TMEM108: variants seen among roughly 807,000 people sequenced by gnomAD.
TMEM108 encodes cancer/testis antigen 124.
Under a neutral mutation model 35.1 loss-of-function variants are expected in TMEM108, and 12 were observed. That is an observed-to-expected ratio of 0.34 (90% confidence interval 0.22 to 0.55). The LOEUF (loss-of-function observed/expected upper bound fraction) is 0.55. Ranked by LOEUF, TMEM108 falls within the 20% of genes least tolerant of loss-of-function variation. The pLI, the probability that TMEM108 is intolerant of heterozygous loss-of-function variation, is 0.89. For missense variants in TMEM108, 680 were observed against 753.3 expected, an observed-to-expected ratio of 0.90 and a Z score of 1.14; for synonymous variants, 287 against 308.6, an observed-to-expected ratio of 0.93 and a Z score of 0.73.
chr3:133,334,147 G>C (rs974919153), intron 3 of TMEM108, among the ~76,000 whole-genome samples: 9 of 152,144 alleles, frequency 5.9e-5, no homozygotes, highest in Non-Finnish European at 1.2e-4. Context: ...GTGAGTTTCT[G>C]CAAGTTGTTG....
intron 2 of TMEM108, among the ~76,000 whole-genome samples, chr3:133,143,093 A>T (rs911742002): frequency 1.3e-5 from 2 of 152,206 alleles, no homozygotes; most frequent in African/African-American, 4.8e-5. Flanking sequence ...TAGAAAAAAG[A>T]AACAAGTGTA....
At chr3:133,060,876 A>G (rs1943527035) in intron 2 of TMEM108, among the ~76,000 whole-genome samples, 1 of 152,214 alleles carries the variant, frequency 6.6e-6, no homozygotes. Context: ...CTAAATACCT[A>G]TTAGTGGGAG....
At chr3:133,243,914 T>G (rs1946348909) in intron 3 of TMEM108, among the ~76,000 whole-genome samples, 1 of 152,060 alleles carries the variant, frequency 6.6e-6, no homozygotes, top group Non-Finnish European at 1.5e-5. Context: ...AGTGACTTAT[T>G]AGGAAGGTTT....
intron 3 of TMEM108, among the ~76,000 whole-genome samples, chr3:133,316,865 A>G (rs2071205951): frequency 4.6e-5 from 7 of 152,234 alleles, no homozygotes; most frequent in Admixed American, 4.6e-4. Context: ...CAGACCGTCT[A>G]AGTGAGTTGA....
At chr3:133,305,877 C>T (rs1352745852) in intron 3 of TMEM108, among the ~76,000 whole-genome samples, 2 of 152,010 alleles carry the variant, frequency 1.3e-5, no homozygotes, top group Admixed American at 6.6e-5. Context: ...GCCATCCATA[C>T]GTCTTCTTTC....
intron 2 of TMEM108, among the ~76,000 whole-genome samples, chr3:133,140,808 A>G (rs1301744472): frequency 3.9e-5 from 6 of 152,214 alleles, no homozygotes; most frequent in East Asian, 1.9e-4. Flanking sequence ...TAAGAATGGG[A>G]TAGAAACTAG....
chr3:133,102,554 A>G (rs1944101574), intron 2 of TMEM108, among the ~76,000 whole-genome samples: 1 of 152,206 alleles, frequency 6.6e-6, no homozygotes, highest in Non-Finnish European at 1.5e-5. Context: ...TCCCTAGAAT[A>G]GACTGTGAGT....
At chr3:133,260,826 A>C (rs895771499) in intron 3 of TMEM108, among the ~76,000 whole-genome samples, 3 of 152,176 alleles carry the variant, frequency 2.0e-5, no homozygotes, top group Admixed American at 2.0e-4. Flanking sequence ...AATTGGACTA[A>C]GGTGGTAGTC....
intron 2 of TMEM108, among the ~76,000 whole-genome samples, chr3:133,127,989 CTG>C (rs1193276730): frequency 2.6e-5 from 4 of 152,286 alleles, no homozygotes; most frequent in Non-Finnish European, 5.9e-5. Context: ...TATAATCACT[CTG>C]TGGTGAATCA....
chr3:133,352,704 A>G (rs1362210961), intron 3 of TMEM108, among the ~76,000 whole-genome samples: 1 of 152,176 alleles, frequency 6.6e-6, no homozygotes, highest in Non-Finnish European at 1.5e-5. Flanking sequence ...GCCTAGGGCA[A>G]GGTATATGGG....
intron 3 of TMEM108, among the ~76,000 whole-genome samples, chr3:133,271,150 C>T (rs1946765894): frequency 6.6e-6 from 1 of 152,174 alleles, no homozygotes; most frequent in Non-Finnish European, 1.5e-5. Flanking sequence ...GCCCTCCTCA[C>T]CATCCCCAAG....
intron 2 of TMEM108, among the ~76,000 whole-genome samples, chr3:133,154,026 A>G (rs1418091995): frequency 1.3e-5 from 1 of 79,840 alleles, no homozygotes; most frequent in Non-Finnish European, 2.7e-5. Flanking sequence ...AAATTAGTAG[A>G]CTTTTTTTTT....
At chr3:133,248,326 A>G (rs1374428542) in intron 3 of TMEM108, 2 of 152,182 alleles carry the variant, frequency 1.3e-5, no homozygotes, top group Non-Finnish European at 2.9e-5. Context: ...CTAAAAGCCA[A>G]GTGTTATGCC....
intron 3 of TMEM108, among the ~76,000 whole-genome samples, chr3:133,325,925 T>C (rs915343833): frequency 2.6e-5 from 4 of 152,060 alleles, no homozygotes; most frequent in African/African-American, 9.7e-5. Flanking sequence ...AGGTACATGC[T>C]AACATATTTC....
intron 3 of TMEM108, among the ~76,000 whole-genome samples, chr3:133,290,567 G>A (rs151169984): frequency 6.6e-6 from 1 of 152,094 alleles, no homozygotes; most frequent in East Asian, 1.9e-4. Flanking sequence ...GTTGCAGTGA[G>A]CCAAGTTAGT....
At chr3:133,179,833 C>A (rs1288033167) in intron 2 of TMEM108, among the ~76,000 whole-genome samples, 1 of 150,568 alleles carries the variant, frequency 6.6e-6, no homozygotes, top group Non-Finnish European at 1.5e-5. Flanking sequence ...ATAAAATGGC[C>A]CTTCTTAGAA....
At chr3:133,214,569 T>C (rs1163895791) in intron 2 of TMEM108, among the ~76,000 whole-genome samples, 1 of 152,204 alleles carries the variant, frequency 6.6e-6, no homozygotes, top group Non-Finnish European at 1.5e-5. Context: ...ACTATTGGCC[T>C]AGGTTGTTGG....
chr3:133,131,663 C>T (rs764708320), intron 2 of TMEM108, among the ~76,000 whole-genome samples: 12 of 151,458 alleles, frequency 7.9e-5, no homozygotes, highest in Non-Finnish European at 1.2e-4. Context: ...ATATTAAATT[C>T]GACCAATTAA....
chr3:133,156,360 A>G (rs1387147495), intron 2 of TMEM108, among the ~76,000 whole-genome samples: 1 of 152,210 alleles, frequency 6.6e-6, no homozygotes, highest in Non-Finnish European at 1.5e-5. Flanking sequence ...CATGTATAGT[A>G]TATAGGAAGA....
Sources: gnomAD v4.1 joint callset for allele counts (sites outside exome capture counted in the v4.1 genomes callset) on GRCh38, gnomAD v4.1.1 for gene constraint, MANE v1.5 for transcripts, NCBI Gene and HGNC (gene_info 2026-07-23, HGNC 2026-07-21) for gene names.